Variants in AFAP1 observed in about 807,000 individuals in gnomAD.
AFAP1 encodes the protein actin filament-associated protein 1.
AFAP1 carries 75 observed loss-of-function variants against 93.9 expected under a neutral mutation model. The observed-to-expected ratio is 0.80, with a 90% confidence interval of 0.66 to 0.97. The LOEUF is 0.97. Among genes scored for constraint, AFAP1 ranks in the 50% least tolerant of loss-of-function variants. AFAP1 has a pLI of 0.00. For synonymous variants in AFAP1, 517 were observed against 430.7 expected, an observed-to-expected ratio of 1.20 and a Z score of -2.48; for missense variants, 1,201 against 1,050.8, an observed-to-expected ratio of 1.14 and a Z score of -1.98.
At chr4:7,820,545 A>G (rs1410877393) in intron 6 of AFAP1, among the ~76,000 whole-genome samples, 4 of 152,176 alleles carry the variant, frequency 2.6e-5, no homozygotes, top group African/African-American at 9.7e-5. Flanking sequence ...AGCAGGCAGA[A>G]AACCAGGAGA....
At chr4:7,824,442 C>CACACAG (rs923234058) in intron 6 of AFAP1, among the ~76,000 whole-genome samples, 2 of 151,262 alleles carry the variant, frequency 1.3e-5, no homozygotes, top group African/African-American at 4.9e-5. Flanking sequence ...CACACACACA[C>CACACAG]AGAGACAGTC....
rs1716717486 is a variant in AFAP1 at position 7,868,723 on chromosome 4, T to A, written c.128-4A>T. ...GCATGGTCCTTCACATCAAAACCTG[T>A]AAGAATTAACCAGAACCACAGAACT... On this transcript the variant is annotated splice_region_variant and splice_polypyrimidine_tract_variant and intron_variant, in intron 2 of 17. Coordinates refer to ENST00000420658, the MANE Select transcript of AFAP1 (RefSeq NM_001134647.2). The A allele has an allele frequency of 1.2e-5, 20 of 1,612,880 alleles. No homozygotes were observed. In the East Asian group the frequency reaches 4.0e-4, roughly 32 times the overall value.
At chr4:7,820,955 C>T (rs12512881) in intron 6 of AFAP1, among the ~76,000 whole-genome samples, 23,081 of 151,972 alleles carry the variant, frequency 0.15, 1,904 homozygotes, top group East Asian at 0.26. Flanking sequence ...CCCATCTCTA[C>T]TAAAAATACA....
At chr4:7,845,411 G>A (rs894212829) in intron 4 of AFAP1, among the ~76,000 whole-genome samples, 3 of 145,276 alleles carry the variant, frequency 2.1e-5, no homozygotes, top group Non-Finnish European at 4.7e-5. Context: ...AACAGAACAA[G>A]ATTATTATTA....
At chr4:7,813,740 CAGAT>C (rs886154199) in intron 8 of AFAP1, among the ~76,000 whole-genome samples, 8 of 152,200 alleles carry the variant, frequency 5.3e-5, no homozygotes, top group Non-Finnish European at 1.2e-4. Context: ...AAATTGCACT[CAGAT>C]AGGACAGACT....
chr4:7,778,936 C>CTTT, intron 13 of AFAP1, 60 bp from the exon 14 acceptor site: 2 of 1,125,812 alleles, frequency 1.8e-6, no homozygotes, highest in Non-Finnish European at 1.2e-6. Context: ...AAATCTTGGT[C>CTTT]TTTTTTTTTT....
At chr4:7,826,367 C>T (rs1218691651) in intron 6 of AFAP1, among the ~76,000 whole-genome samples, 1 of 152,132 alleles carries the variant, frequency 6.6e-6, no homozygotes. Flanking sequence ...AGTTGCCCTA[C>T]AGGGGAAGGC....
chr4:7,915,118 C>T (rs753858020), intron 1 of AFAP1, among the ~76,000 whole-genome samples: 26 of 152,202 alleles, frequency 1.7e-4, no homozygotes, highest in East Asian at 7.7e-4. Flanking sequence ...TCCTGACATC[C>T]GGTGATCTGC....
rs77787059 is a variant in AFAP1 at position 7,928,843 on chromosome 4, A to G, written c.-3+10813T>C. On this transcript the variant is annotated intron_variant, in intron 1 of 17. Transcript: ENST00000420658. ...ATGGCCGCGGTGTTCCCCATCTTAC[A>G]TGAGGGGCACAGAGAAAGACAATGA... Among the ~76,000 whole-genome samples, 11 of 152,332 alleles carry G rather than the reference A, an allele frequency of 7.2e-5. No individual in the cohort carries two copies. In the East Asian group the frequency reaches 2.1e-3, roughly 29 times the overall value.
chr4:7,903,531 T>G (rs1719231245), intron 1 of AFAP1, among the ~76,000 whole-genome samples: 3 of 152,004 alleles, frequency 2.0e-5, no homozygotes, highest in Admixed American at 6.6e-5. Context: ...ATACAAAAAT[T>G]AGCTGGGCAT....
chr4:7,766,236 GC>G (rs1714551185), intron 17 of AFAP1, among the ~76,000 whole-genome samples: 1 of 152,206 alleles, frequency 6.6e-6, no homozygotes, highest in South Asian at 2.1e-4. Flanking sequence ...GTGCCTTCTT[GC>G]CCCTTCAGCC....
intron 6 of AFAP1, among the ~76,000 whole-genome samples, chr4:7,819,490 G>T (rs142309062): frequency 7.9e-4 from 121 of 152,238 alleles, no homozygotes; most frequent in Middle Eastern, 3.4e-3. Flanking sequence ...ACAGCAACAC[G>T]AGACCGCAGT....
chr4:7,884,104 G>A (rs2149199598), intron 1 of AFAP1, among the ~76,000 whole-genome samples: 1 of 152,088 alleles, frequency 6.6e-6, no homozygotes, highest in South Asian at 2.1e-4. Context: ...TTAAGTGTGG[G>A]GCAACTCCCC....
At chr4:7,802,136 T>C (rs1052281264) in intron 9 of AFAP1, among the ~76,000 whole-genome samples, 11 of 152,170 alleles carry the variant, frequency 7.2e-5, no homozygotes, top group African/African-American at 2.4e-4. Context: ...TACACACTTA[T>C]AAAGTCTAAA....
intron 10 of AFAP1, among the ~76,000 whole-genome samples, chr4:7,794,502 A>G (rs1718199368): frequency 6.6e-6 from 1 of 152,000 alleles, no homozygotes; most frequent in Admixed American, 6.6e-5. Flanking sequence ...ATGTTCGTTC[A>G]ATTTTTAAGC....
At chr4:7,878,934 T>TTGA (rs1717681907) in intron 1 of AFAP1, among the ~76,000 whole-genome samples, 1 of 152,184 alleles carries the variant, frequency 6.6e-6, no homozygotes, top group Non-Finnish European at 1.5e-5. Context: ...CCTCATAGGT[T>TTGA]ACGTTCAAAT....
intron 17 of AFAP1, among the ~76,000 whole-genome samples, chr4:7,767,089 C>G (rs1714707383): frequency 6.6e-6 from 1 of 152,206 alleles, no homozygotes; most frequent in Admixed American, 6.5e-5. Context: ...GGTCCCCTGT[C>G]ACTGTTCTCA....
At chr4:7,920,947 G>A (rs1720407670) in intron 1 of AFAP1, among the ~76,000 whole-genome samples, 1 of 151,422 alleles carries the variant, frequency 6.6e-6, no homozygotes, top group African/African-American at 2.4e-5. Flanking sequence ...CTTGTCAAAA[G>A]CTAAATATAT....
At chr4:7,779,029 T>C (rs2269876) in intron 13 of AFAP1, 153 bp from the exon 14 acceptor site, 6 of 627,220 alleles carry the variant, frequency 9.6e-6, no homozygotes, top group Non-Finnish European at 1.6e-5. Context: ...AAAACCAAGA[T>C]GGTTTCCAAA....
Sources: allele counts gnomAD v4.1 joint callset (sites outside exome capture counted in the v4.1 genomes callset), GRCh38; gene constraint gnomAD v4.1.1; transcripts MANE v1.5; gene names NCBI Gene and HGNC (gene_info 2026-07-23, HGNC 2026-07-21).